HDGF: variants seen among roughly 807,000 people sequenced by gnomAD.
HDGF encodes hepatoma-derived growth factor.
A neutral mutation model predicts 30.0 loss-of-function variants in HDGF; 5 were observed. The ratio of observed to expected loss-of-function variants is 0.17; its 90% CI spans 0.09 to 0.35. HDGF has a LOEUF of 0.35. Ranked by LOEUF, HDGF falls within the 10% of genes least tolerant of loss-of-function variation. The pLI, the probability that HDGF is intolerant of heterozygous loss-of-function variation, is 1.00. For synonymous variants in HDGF, 133 were observed against 112.7 expected (o/e 1.18, Z -1.14); for missense variants, 214 against 302.8 (o/e 0.71, Z 2.18).
chr1:156,765,472 C>CTTTTTTTTTTTTT (rs71080793), intron 1 of HDGF, among the ~76,000 whole-genome samples: 46 of 85,980 alleles, frequency 5.4e-4, no homozygotes, highest in East Asian at 7.5e-4. Context: ...TTCTTTCTTT[C>CTTTTTTTTTTTTT]TTTTTTTTTT....
At chr1:156,744,826 T>TACACCACAC (rs1386130559) in intron 3 of HDGF, among the ~76,000 whole-genome samples, 182 bp downstream of exon 3, 4 of 152,092 alleles carry the variant, frequency 2.6e-5, no homozygotes, top group Non-Finnish European at 5.9e-5. Flanking sequence ...TAACCACAAC[T>TACACCACAC]ACACCACACA....
chr1:156,757,564 G>C (rs957981975), intron 2 of HDGF, among the ~76,000 whole-genome samples: 3 of 151,860 alleles, frequency 2.0e-5, no homozygotes, highest in African/African-American at 7.3e-5. Context: ...AAGCCAAAGC[G>C]GGTGGATCAC....
chr1:156,756,183 T>TG (rs1236445947), upstream of HDGF, among the ~76,000 whole-genome samples: 1 of 151,926 alleles, frequency 6.6e-6, no homozygotes, highest in Non-Finnish European at 1.5e-5. Flanking sequence ...ACCCAGGAGG[T>TG]GGAGATTGCA....
chr1:156,744,464 C>A, intron 3 of HDGF, 116 bp from the exon 4 acceptor site: 1 of 1,583,224 alleles, frequency 6.3e-7, no homozygotes, highest in Non-Finnish European at 8.6e-7. Context: ...CCCACCCCCA[C>A]CCAGGTGCCC....
At chr1:156,755,328 AG>A (rs1288433872), upstream of HDGF, among the ~76,000 whole-genome samples, 5 of 152,202 alleles carry the variant, frequency 3.3e-5, no homozygotes, top group Admixed American at 3.3e-4. Context: ...GTACGGATCA[AG>A]AAGGAGCTGA....
Position 156,742,509 on chromosome 1 carries a change from G to T in HDGF, c.*940C>A, listed in dbSNP as rs1467101650. The T allele has an allele frequency of 1.3e-5, 2 of 152,576 alleles. No individual in the cohort carries two copies. The highest frequency in any genetic ancestry group is 2.1e-4 in the South Asian group (1 of 4,834). The allele number at this position is 152,576 out of a possible 1,614,324, so 9.5% of individuals were successfully genotyped here. Reference sequence around the variant, plus strand: ...GAGCAGAATGGAGAGCACACAAAGGGTTAGGGGTCTTTAAAATTTTTTTTT... The same window carrying T: ...GAGCAGAATGGAGAGCACACAAAGGTTTAGGGGTCTTTAAAATTTTTTTTT... On this transcript the variant is annotated 3_prime_UTR_variant, in exon 6 of 6. Transcript: ENST00000357325.
At chr1:156,752,261 T>C, upstream of HDGF, 1 of 1,551,780 alleles carries the variant, frequency 6.4e-7, no homozygotes, top group Non-Finnish European at 8.7e-7. Flanking sequence ...ACGTCGGGGA[T>C]TTGAGCCCTA....
intron 2 of HDGF, among the ~76,000 whole-genome samples, chr1:156,758,061 G>A (rs1415938304): frequency 6.6e-6 from 1 of 152,094 alleles, no homozygotes; most frequent in Non-Finnish European, 1.5e-5. Context: ...ACTTTGGGAG[G>A]CTGAGGTGGG....
chr1:156,760,544 C>A (rs2102739924), intron 1 of HDGF, among the ~76,000 whole-genome samples: 1 of 152,320 alleles, frequency 6.6e-6, no homozygotes, highest in Middle Eastern at 3.4e-3. Context: ...GGGCTTCACT[C>A]ATTTACCCGG....
In HDGF at chr1:156,751,280, C is replaced by A; in HGVS notation, c.87+63G>T. The A allele has an allele frequency of 6.4e-7, 1 of 1,565,980 alleles. No homozygotes were observed. Among genetic ancestry groups the A allele is most frequent in the Non-Finnish European group, 8.7e-7 (1 of 1,153,922 alleles). ...CCGCTCCGCGCGGAGCGCTCGTGCC[C>A]TTCCCGGTGTTATGCAACCCAAGCC... On this transcript the variant is annotated intron_variant, in intron 1 of 5. Coordinates refer to ENST00000357325, the MANE Select transcript of HDGF (RefSeq NM_004494.3). This position sits in a 1 kb window ranked among gnomAD's most constrained non-coding sequence, Gnocchi z 4.7.
upstream of HDGF, among the ~76,000 whole-genome samples, chr1:156,757,029 G>A (rs377676425): frequency 2.6e-5 from 4 of 152,076 alleles, no homozygotes; most frequent in South Asian, 8.3e-4. Context: ...CTGACCTCAG[G>A]TGATCCACCT....
chr1:156,755,106 C>T (rs907110969), upstream of HDGF, among the ~76,000 whole-genome samples: 1 of 152,204 alleles, frequency 6.6e-6, no homozygotes. Flanking sequence ...CCCACCAGCC[C>T]AGGTGGAAAC....
At chr1:156,746,806 G>A (rs4501833) in intron 1 of HDGF, among the ~76,000 whole-genome samples, 36,484 of 152,168 alleles carry the variant, frequency 0.24, 5,648 homozygotes, top group Non-Finnish European at 0.35. Flanking sequence ...AGGTGGCCAT[G>A]ATGACTGGGG....
chr1:156,750,334 C>T (rs1218524617), intron 1 of HDGF, among the ~76,000 whole-genome samples: 2 of 152,186 alleles, frequency 1.3e-5, no homozygotes, highest in East Asian at 1.9e-4. Context: ...GCACTGCCCC[C>T]GCATCCCCCC....
chr1:156,752,139 C>G (rs571979156), upstream of HDGF: 18 of 1,551,658 alleles, frequency 1.2e-5, 1 homozygote, highest in South Asian at 2.0e-4. Context: ...ACCCGCGGTT[C>G]TTGGCAGCGT....
At chr1:156,743,527 G>C (rs377504506) in intron 5 of HDGF, 72 bp from the exon 6 acceptor site, 5 of 1,583,360 alleles carry the variant, frequency 3.2e-6, no homozygotes, top group African/African-American at 2.7e-5. Context: ...AGCCAGTGCC[G>C]GTCTCCTAGG....
At chr1:156,751,948 G>A (rs1651014049), upstream of HDGF, 4 of 1,209,914 alleles carry the variant, frequency 3.3e-6, no homozygotes, top group Non-Finnish European at 3.4e-6. This position sits in a 1 kb window ranked among gnomAD's most constrained non-coding sequence, Gnocchi z 4.7. Flanking sequence ...GTGTGCCCGC[G>A]GTCGGTGGGT....
At chr1:156,744,601 T>C in intron 3 of HDGF, 1 of 1,462,260 alleles carries the variant, frequency 6.8e-7, no homozygotes. Context: ...TCGGGTCAAC[T>C]TCTCCCAAAG....
upstream of HDGF, chr1:156,751,980 T>TGGCGCCCGGCTGGACGGAGCGGCC: frequency 3.4e-6 from 5 of 1,489,264 alleles, no homozygotes; most frequent in Non-Finnish European, 4.6e-6. The surrounding 1 kb of genome is among the most constrained non-coding windows in gnomAD (Gnocchi z 4.7). Context: ...CGGGAGGAGC[T>TGGCGCCCGGCTGGACGGAGCGGCC]GGCGCCCGGC....
Sources: allele counts gnomAD v4.1 joint callset (sites outside exome capture counted in the v4.1 genomes callset), GRCh38; gene constraint gnomAD v4.1.1; non-coding constraint Gnocchi (gnomAD v3.1); transcripts MANE v1.5; gene names NCBI Gene and HGNC (gene_info 2026-07-23, HGNC 2026-07-21).